RAB3C: variants seen among roughly 807,000 people sequenced by gnomAD.
RAB3C encodes the protein RAB3C, member RAS oncogene family, also known as ras-related protein Rab-3C.
A neutral mutation model predicts 26.4 loss-of-function variants in RAB3C; 17 were observed. The ratio of observed to expected loss-of-function variants is 0.64; its 90% CI spans 0.44 to 0.97. RAB3C has a LOEUF of 0.97. Ranked by LOEUF, RAB3C falls within the 50% of genes least tolerant of loss-of-function variation. RAB3C has a pLI of 0.00. For missense variants in RAB3C, 242 were observed against 281.9 expected, an observed-to-expected ratio of 0.86 and a Z score of 1.01; for synonymous variants, 91 against 95.9, an observed-to-expected ratio of 0.95 and a Z score of 0.30.
intron 3 of RAB3C, among the ~76,000 whole-genome samples, chr5:58,762,204 C>A (rs1475375307): frequency 3.9e-5 from 6 of 152,046 alleles, no homozygotes. Context: ...TTTATATGTG[C>A]AGCACATTGC....
chr5:58,611,411 G>T (rs950944337), intron 1 of RAB3C, among the ~76,000 whole-genome samples: 3 of 151,774 alleles, frequency 2.0e-5, no homozygotes, highest in African/African-American at 4.8e-5. Context: ...TGATTTTTTA[G>T]TAATAGCCAT....
At chr5:58,793,317 G>C (rs369732053) in intron 3 of RAB3C, among the ~76,000 whole-genome samples, 1 of 152,094 alleles carries the variant, frequency 6.6e-6, no homozygotes, top group Admixed American at 6.5e-5. Context: ...CCAGCACTTT[G>C]GGGGGCCGAG....
rs116447056 is a variant in RAB3C at position 58,611,020 on chromosome 5, T to A, written c.25-6623T>A. Among the ~76,000 whole-genome samples the A allele has an allele frequency of 5.4e-3, 828 of 152,228 alleles. 11 individuals are homozygous for A. The highest frequency in any genetic ancestry group is 0.019 in the African/African-American group (782 of 41,534). On this transcript the variant is annotated intron_variant, in intron 1 of 4. Coordinates refer to ENST00000282878, the MANE Select transcript of RAB3C (RefSeq NM_138453.4). The stretch of plus-strand genomic sequence containing the variant: ...GAACATGAAGTATTTGGTTTTCTGT[T>A]CTTGAGTTAGTTTGCCAAGAATAAT...
At chr5:58,676,882 G>A (rs909915654) in intron 2 of RAB3C, among the ~76,000 whole-genome samples, 2 of 152,098 alleles carry the variant, frequency 1.3e-5, no homozygotes, top group Admixed American at 1.3e-4. Flanking sequence ...TAGATTTTAT[G>A]TTTGCTTAGA....
chr5:58,852,947 G>A lies in RAB3C; in HGVS notation c.*1596G>A, dbSNP rs968564279. ...GCATACATCTAAAGATATCTTTGGA[G>A]AATAAATCCTTACAAGTCACAGAAC... On this transcript the variant is annotated 3_prime_UTR_variant, in exon 5 of 5. Transcript: ENST00000282878. 1 of 152,176 alleles carries A rather than the reference G, an allele frequency of 6.6e-6. No individual in the cohort carries two copies. The highest frequency in any genetic ancestry group is 2.4e-5 in the African/African-American group (1 of 41,434). The allele number at this position is 152,176 out of a possible 1,614,324, so 9.4% of individuals were successfully genotyped here. A position where few individuals can be genotyped will look rare whatever the true frequency, so the allele number is the denominator to read the frequency against.
chr5:58,716,028 A>AT (rs1039156880), intron 2 of RAB3C, among the ~76,000 whole-genome samples: 7 of 131,574 alleles, frequency 5.3e-5, no homozygotes, highest in Admixed American at 4.3e-4. Context: ...TTAAAGTACA[A>AT]TAAAAAAAAA....
chr5:58,713,713 C>T (rs1277698323), intron 2 of RAB3C, among the ~76,000 whole-genome samples: 2 of 152,096 alleles, frequency 1.3e-5, no homozygotes, highest in Non-Finnish European at 2.9e-5. Context: ...GCTTTATAAA[C>T]CCTCACCTGA....
intron 2 of RAB3C, among the ~76,000 whole-genome samples, chr5:58,657,103 A>T (rs1179721277): frequency 2.0e-5 from 3 of 152,364 alleles, no homozygotes; most frequent in East Asian, 3.9e-4. Flanking sequence ...ATGAGATTGG[A>T]CACTATTATT....
chr5:58,802,843 C>G (rs1021994274), intron 3 of RAB3C, among the ~76,000 whole-genome samples: 24 of 152,336 alleles, frequency 1.6e-4, no homozygotes, highest in African/African-American at 5.5e-4. Context: ...GACAACTGGA[C>G]TAAGCTAGGA....
chr5:58,746,879 T>G (rs973910589), intron 3 of RAB3C, among the ~76,000 whole-genome samples: 5 of 152,358 alleles, frequency 3.3e-5, no homozygotes, highest in African/African-American at 1.2e-4. Context: ...TATTTCTAGA[T>G]AAGAAAATTG....
intron 2 of RAB3C, among the ~76,000 whole-genome samples, chr5:58,647,302 C>T (rs1386864468): frequency 6.6e-6 from 1 of 152,126 alleles, no homozygotes; most frequent in African/African-American, 2.4e-5. Context: ...AGGAAACTTA[C>T]AATTATGGCA....
intron 1 of RAB3C, among the ~76,000 whole-genome samples, chr5:58,598,697 G>A (rs1241251471): frequency 6.6e-6 from 1 of 152,024 alleles, no homozygotes; most frequent in African/African-American, 2.4e-5. Context: ...CAGTGTCTTA[G>A]CTTCTACCCC....
chr5:58,753,194 A>G (rs978788531), intron 3 of RAB3C, among the ~76,000 whole-genome samples: 8 of 152,138 alleles, frequency 5.3e-5, no homozygotes, highest in South Asian at 2.1e-4. Context: ...TGGAGCCTGC[A>G]TTTATTTTTA....
intron 2 of RAB3C, among the ~76,000 whole-genome samples, chr5:58,646,793 C>CATTA (rs750177176): frequency 4.6e-5 from 7 of 152,188 alleles, no homozygotes; most frequent in Non-Finnish European, 1.0e-4. Context: ...TTAGTGCATT[C>CATTA]ATTAAATGGC....
At chr5:58,597,153 A>T (rs1746324940) in intron 1 of RAB3C, among the ~76,000 whole-genome samples, 1 of 3,024 alleles carries the variant, frequency 3.3e-4, no homozygotes, top group Non-Finnish European at 1.5e-3. Context: ...ATACTACATA[A>T]TATATATTAT....
intron 3 of RAB3C, among the ~76,000 whole-genome samples, chr5:58,799,456 G>A (rs1054457573): frequency 3.3e-5 from 5 of 152,084 alleles, no homozygotes; most frequent in African/African-American, 1.2e-4. Flanking sequence ...ACATGCTAGA[G>A]CTGATATTCA....
At chr5:58,765,512 T>A (rs554710396) in intron 3 of RAB3C, among the ~76,000 whole-genome samples, 1 of 152,314 alleles carries the variant, frequency 6.6e-6, no homozygotes, top group East Asian at 1.9e-4. Flanking sequence ...CTAACCACCA[T>A]CAATATTTGC....
chr5:58,657,183 A>G (rs937454707), intron 2 of RAB3C, among the ~76,000 whole-genome samples: 4 of 152,118 alleles, frequency 2.6e-5, no homozygotes, highest in African/African-American at 9.7e-5. Flanking sequence ...GAGCTAAGCT[A>G]TGAGGACACA....
chr5:58,845,612 A>ATGTGTGTGTGTGTGTGTGTGTG (rs1289870360), intron 4 of RAB3C, among the ~76,000 whole-genome samples: 1 of 81,738 alleles, frequency 1.2e-5, no homozygotes, highest in African/African-American at 5.8e-5. Flanking sequence ...ATATATATAT[A>ATGTGTGTGTGTGTGTGTGTGTG]TGTGTGTGTG....
Sources: gnomAD v4.1 joint callset for allele counts (sites outside exome capture counted in the v4.1 genomes callset) on GRCh38, gnomAD v4.1.1 for gene constraint, MANE v1.5 for transcripts, NCBI Gene and HGNC (gene_info 2026-07-23, HGNC 2026-07-21) for gene names.